KDM4B: variants seen among roughly 807,000 people sequenced by gnomAD.
KDM4B encodes the protein lysine-specific demethylase 4B.
Under a neutral mutation model 125.2 loss-of-function variants are expected in KDM4B, and 32 were observed. The ratio of observed to expected loss-of-function variants is 0.26; its 90% CI spans 0.19 to 0.34. The LOEUF is 0.34. Ranked by LOEUF, KDM4B falls within the 10% of genes least tolerant of loss-of-function variation. The probability of loss-of-function intolerance (pLI) is 1.00; values close to 1 mark genes in which losing one functional copy is unlikely to be tolerated. For synonymous variants in KDM4B, 721 were observed against 677.9 expected (o/e 1.06, Z -0.99); for missense variants, 1,190 against 1,577.7 (o/e 0.75, Z 4.16).
At chr19:4,985,552 G>T (rs2034797892) in intron 1 of KDM4B, among the ~76,000 whole-genome samples, 2 of 152,236 alleles carry the variant, frequency 1.3e-5, no homozygotes, top group South Asian at 4.1e-4. Flanking sequence ...AGAGGATCCT[G>T]CTGTGCAGGC....
At chr19:5,109,888 C>T (rs1333228446) in intron 9 of KDM4B, among the ~76,000 whole-genome samples, 2 of 152,220 alleles carry the variant, frequency 1.3e-5, no homozygotes, top group Non-Finnish European at 1.5e-5. Flanking sequence ...CCTCTTGGAA[C>T]GATTGCTGTT....
chr19:5,092,057 C>T lies in KDM4B; in HGVS notation c.918+9553C>T, dbSNP rs376628633. On this transcript the variant is annotated intron_variant, in intron 9 of 22. Transcript: ENST00000159111. ...GCAGAAGCGTGGGGAGAATCTGCAG[C>T]TAAGACCAGGCGGAGCGGATCCCGG... Among the ~76,000 whole-genome samples the T allele has an allele frequency of 1.6e-4, 24 of 152,332 alleles. No individual in the cohort carries two copies. In the South Asian group the frequency reaches 3.5e-3, roughly 22 times the overall value.
At chr19:5,144,706 G>A (rs949263107) in intron 20 of KDM4B, 77 bp from the exon 21 acceptor site, 65 of 1,577,094 alleles carry the variant, frequency 4.1e-5, no homozygotes, top group Middle Eastern at 1.8e-4. Flanking sequence ...TTGCCAGCGC[G>A]GAGAGGGTCT....
At chr19:5,135,226 C>G (rs1204269645) in intron 14 of KDM4B, 113 bp from the exon 15 acceptor site, 5 of 684,288 alleles carry the variant, frequency 7.3e-6, no homozygotes, top group Middle Eastern at 3.8e-4. Context: ...ACCTCCCCCT[C>G]CAGAGCCAGG....
intron 18 of KDM4B, chr19:5,140,783 G>A (rs183351466): frequency 7.9e-5 from 12 of 151,826 alleles, no homozygotes; most frequent in South Asian, 6.3e-4. Context: ...CTGGGGCCGC[G>A]TCCCCACTAA....
At chr19:5,080,295 G>A (rs961383495) in intron 8 of KDM4B, among the ~76,000 whole-genome samples, 7 of 152,200 alleles carry the variant, frequency 4.6e-5, no homozygotes, top group African/African-American at 1.7e-4. Flanking sequence ...GCTTATTGGC[G>A]ACTTCAGTGT....
chr19:4,976,258 A>G (rs1313991972), intron 1 of KDM4B, among the ~76,000 whole-genome samples: 3 of 151,972 alleles, frequency 2.0e-5, no homozygotes, highest in Non-Finnish European at 1.5e-5. Flanking sequence ...TCAAAAAAAA[A>G]AAAAAAAAAG....
chr19:5,046,004 A>G (rs1599493791), intron 5 of KDM4B, among the ~76,000 whole-genome samples: 1 of 152,094 alleles, frequency 6.6e-6, no homozygotes, highest in African/African-American at 2.4e-5. Flanking sequence ...ACTTGCAAGT[A>G]TTTTCTTTCT....
intron 6 of KDM4B, among the ~76,000 whole-genome samples, chr19:5,064,767 C>T (rs1475591535): frequency 6.6e-6 from 1 of 152,142 alleles, no homozygotes; most frequent in African/African-American, 2.4e-5. Context: ...AGGGAGAGGG[C>T]GCTGGGAGTC....
chr19:4,984,911 C>T (rs1413832977), intron 1 of KDM4B, among the ~76,000 whole-genome samples: 1 of 152,152 alleles, frequency 6.6e-6, no homozygotes, highest in African/African-American at 2.4e-5. Context: ...TTAATTTGGC[C>T]TTTAGCCAAA....
chr19:5,032,902 G>A lies in KDM4B; in HGVS notation c.12G>A (p.Glu4=), dbSNP rs763962778. 1 of 1,614,138 alleles carries A rather than the reference G, an allele frequency of 6.2e-7. No individual in the cohort carries two copies. Among genetic ancestry groups the A allele is most frequent in the South Asian group, 1.1e-5 (1 of 91,084 alleles). The change falls in exon 3 of 23, where the codon GAG becomes GAA. Residue 4 remains glutamate, a synonymous_variant. Transcript: ENST00000159111. MGS[E]DHGAQNPSCK... ...GCACAGCTGCAGCCATGGGGTCTGA[G>A]GACCACGGCGCCCAGAACCCCAGCT...
chr19:5,126,720 C>A (rs2039455827), intron 11 of KDM4B, among the ~76,000 whole-genome samples: 1 of 152,254 alleles, frequency 6.6e-6, no homozygotes, highest in Non-Finnish European at 1.5e-5. Flanking sequence ...CAGCACATCC[C>A]AGCTGGGCCT....
At chr19:5,110,911 C>T (rs756818638) in intron 10 of KDM4B, 93 bp downstream of exon 10, 8 of 1,005,400 alleles carry the variant, frequency 8.0e-6, no homozygotes, top group Admixed American at 2.9e-5. Context: ...GCAGGGGCTC[C>T]GGGCCGTGTC....
intron 5 of KDM4B, among the ~76,000 whole-genome samples, chr19:5,042,807 C>T (rs60712116): frequency 0.058 from 8,741 of 151,664 alleles, 289 homozygotes; most frequent in Admixed American, 0.088. Flanking sequence ...GGTGCAGCCA[C>T]CTCCCACCCG....
intron 10 of KDM4B, chr19:5,113,958 C>T (rs1368337271): frequency 8.1e-7 from 1 of 1,228,838 alleles, no homozygotes; most frequent in African/African-American, 1.6e-5. Flanking sequence ...CCCTGCTCGC[C>T]ACCTTACATG....
intron 2 of KDM4B, among the ~76,000 whole-genome samples, chr19:5,031,261 G>A (rs2036446247): frequency 6.6e-6 from 1 of 152,264 alleles, no homozygotes; most frequent in African/African-American, 2.4e-5. Context: ...CTGGGACAGT[G>A]TGGTGGCCTG....
intron 9 of KDM4B, among the ~76,000 whole-genome samples, chr19:5,103,567 G>A (rs1002460521): frequency 5.3e-5 from 8 of 152,206 alleles, no homozygotes; most frequent in Non-Finnish European, 1.2e-4. Flanking sequence ...GGGCCAGCCA[G>A]CAGCAGCGGT....
At chr19:4,977,557 T>C (rs2145304116) in intron 1 of KDM4B, among the ~76,000 whole-genome samples, 1 of 152,240 alleles carries the variant, frequency 6.6e-6, no homozygotes, top group African/African-American at 2.4e-5. Context: ...TGGGCCTGTT[T>C]GCGTTTTTGC....
intron 1 of KDM4B, among the ~76,000 whole-genome samples, chr19:4,972,595 G>A (rs1004729066): frequency 2.6e-5 from 4 of 152,148 alleles, no homozygotes; most frequent in South Asian, 2.1e-4. Flanking sequence ...TCCCCTAAGC[G>A]GTAGCAACCA....
Sources: gnomAD v4.1 joint callset for allele counts (sites outside exome capture counted in the v4.1 genomes callset) on GRCh38, gnomAD v4.1.1 for gene constraint, MANE v1.5 for transcripts, NCBI Gene and HGNC (gene_info 2026-07-23, HGNC 2026-07-21) for gene names.